SEC61A2: variants seen among roughly 807,000 people sequenced by gnomAD.
SEC61A2 encodes the protein protein transport protein Sec61 subunit alpha isoform 2.
In SEC61A2, 28 loss-of-function variants were observed where a neutral mutation model predicts 59.9. The ratio of observed to expected loss-of-function variants is 0.47; its 90% CI spans 0.35 to 0.64. The LOEUF (loss-of-function observed/expected upper bound fraction) is 0.64, where lower values mean the gene tolerates loss of function less well. Among genes scored for constraint, SEC61A2 ranks in the 30% least tolerant of loss-of-function variants. The pLI is 0.01. For synonymous variants in SEC61A2, 202 were observed against 214.4 expected, an observed-to-expected ratio of 0.94 and a Z score of 0.50; for missense variants, 340 against 585.9, an observed-to-expected ratio of 0.58 and a Z score of 4.33.
chr10:12,158,361 G>T lies in SEC61A2; in HGVS notation c.975+256G>T. 2.4e-6 allele frequency: 1 copy of T among 425,188 alleles called. No homozygotes were observed. Among genetic ancestry groups the T allele is most frequent in the Non-Finnish European group, 4.2e-6 (1 of 237,760 alleles). 26.3% of individuals were successfully genotyped at this position (425,188 alleles called of 1,614,324 possible). A position where few individuals can be genotyped will look rare whatever the true frequency, so the allele number is the denominator to read the frequency against. On this transcript the variant is annotated intron_variant, in intron 9 of 11. Coordinates refer to ENST00000298428, the MANE Select transcript of SEC61A2 (RefSeq NM_018144.4). This position sits in a 1 kb window ranked among gnomAD's most constrained non-coding sequence, Gnocchi z 5.7. Reference sequence around the variant, plus strand: ...TTGAATGACCTTTTAAGCTAAAATTGTGGTTGATTTCATAAAAGTAATTTC... The same window carrying T: ...TTGAATGACCTTTTAAGCTAAAATTTTGGTTGATTTCATAAAAGTAATTTC...
rs531812487 is a variant in SEC61A2 at position 12,152,653 on chromosome 10, G to A, written c.462+2692G>A. 1.3e-4 allele frequency among the ~76,000 whole-genome samples: 20 copies of A among 152,094 alleles called. No individual in the cohort carries two copies. The highest frequency in any genetic ancestry group is 2.9e-4 in the Non-Finnish European group (20 of 68,028). On this transcript the variant is annotated intron_variant, in intron 6 of 11. Transcript: ENST00000298428. This position sits in a 1 kb window ranked among gnomAD's most constrained non-coding sequence, Gnocchi z 5.5. The stretch of plus-strand genomic sequence containing the variant: ...CTCACACCTGTAATCCCAGCACTTT[G>A]GGAGGCTGAGGCGGGCGGATCACGA...
chr10:12,142,740 T>G lies in SEC61A2; in HGVS notation c.142-377T>G, dbSNP rs1834048989. Among the ~76,000 whole-genome samples the G allele has an allele frequency of 6.6e-6, 1 of 152,212 alleles. No homozygotes were observed. The highest frequency in any genetic ancestry group is 1.5e-5 in the Non-Finnish European group (1 of 68,030). On this transcript the variant is annotated intron_variant, in intron 3 of 11. Transcript: ENST00000298428. This position sits in a 1 kb window ranked among gnomAD's most constrained non-coding sequence, Gnocchi z 5.4. ...ATTTACTAGTGAATGCACCAAGTGA[T>G]GATTTGTTGTTTTTATTTTTATTTT...
At chr10:12,168,722 C>G (rs1319250800), downstream of SEC61A2, among the ~76,000 whole-genome samples, 1 of 152,120 alleles carries the variant, frequency 6.6e-6, no homozygotes, top group Non-Finnish European at 1.5e-5. This position sits in a 1 kb window ranked among gnomAD's most constrained non-coding sequence, Gnocchi z 4.8. Context: ...TGCTTGGTAA[C>G]TGGCAGATGC....
In SEC61A2 at chr10:12,129,848, G is replaced by A. The variant is rs2131638168; in HGVS notation, c.7+54G>A. Reference sequence around the variant, plus strand: ...CTGGCTGGGAACGCAGGCCCCGCCTGGGCTGCGGGCGGTGGGGCTGGCGCT... The same window carrying A: ...CTGGCTGGGAACGCAGGCCCCGCCTAGGCTGCGGGCGGTGGGGCTGGCGCT... On this transcript the variant is annotated intron_variant, in intron 1 of 11. Transcript: ENST00000298428. This position sits in a 1 kb window ranked among gnomAD's most constrained non-coding sequence, Gnocchi z 5.6. 1.1e-5 allele frequency: 15 copies of A among 1,325,610 alleles called. No individual in the cohort carries two copies. Among genetic ancestry groups the A allele is most frequent in the Middle Eastern group, 2.6e-4 (1 of 3,848 alleles). 82.1% of individuals were successfully genotyped at this position (1,325,610 alleles called of 1,614,324 possible). A position where few individuals can be genotyped will look rare whatever the true frequency, so the allele number is the denominator to read the frequency against.
chr10:12,137,946 C>T (rs1029645489), intron 3 of SEC61A2, among the ~76,000 whole-genome samples: 3 of 152,134 alleles, frequency 2.0e-5, no homozygotes, highest in Admixed American at 2.0e-4. Context: ...GTGGAGGTTG[C>T]AGTGAGCTGA....
downstream of SEC61A2, chr10:12,165,593 T>G (rs57287753): frequency 1.9e-3 from 295 of 155,206 alleles, 7 homozygotes; most frequent in East Asian, 0.054. Context: ...AGGAAAACAG[T>G]GGTCTCAAAA....
downstream of SEC61A2, chr10:12,167,700 G>A (rs1409903967): frequency 6.2e-6 from 10 of 1,613,820 alleles, no homozygotes; most frequent in Middle Eastern, 1.6e-4. Context: ...TCATATTTGG[G>A]CTTAAAATTT....
chr10:12,153,790 A>G lies in SEC61A2; in HGVS notation c.463-1988A>G, dbSNP rs910558931. ...TACACTGAAGAGCTATGATTGGATC[A>G]GTGTGTTTCACCCAGAAACATAGGT... is the stretch of plus-strand genomic sequence containing the variant. On this transcript the variant is annotated intron_variant, in intron 6 of 11. Transcript: ENST00000298428. This position sits in a 1 kb window ranked among gnomAD's most constrained non-coding sequence, Gnocchi z 5.2. 3 of 1,608,150 alleles carry G rather than the reference A, an allele frequency of 1.9e-6. No homozygotes were observed. In the African/African-American group the frequency reaches 4.0e-5, roughly 22 times the overall value.
At chr10:12,157,801 G>A (rs1166551944) in intron 8 of SEC61A2, 107 bp from the exon 9 acceptor site, 41 of 1,043,752 alleles carry the variant, frequency 3.9e-5, no homozygotes, top group East Asian at 3.0e-4. Flanking sequence ...GTGCCCGGCC[G>A]GCATTGTCTT....
downstream of SEC61A2, chr10:12,169,232 T>C: frequency 1.3e-6 from 2 of 1,489,694 alleles, no homozygotes. The surrounding 1 kb of genome is among the most constrained non-coding windows in gnomAD (Gnocchi z 4.8). Context: ...CCCTCACTTA[T>C]TCTATTTTTT....
At position 12,142,562 on chromosome 10, in the gene SEC61A2, G is replaced by A; in HGVS notation, c.142-555G>A. Reference sequence around the variant, plus strand: ...CTTTGCAAAATCATTCTACGACCAGGCAGGTATAATATTCCATAATCTACT... The same window carrying A: ...CTTTGCAAAATCATTCTACGACCAGACAGGTATAATATTCCATAATCTACT... On this transcript the variant is annotated intron_variant, in intron 3 of 11. Transcript: ENST00000298428. This position sits in a 1 kb window ranked among gnomAD's most constrained non-coding sequence, Gnocchi z 5.4. 1 of 967,854 alleles carries A rather than the reference G, an allele frequency of 1.0e-6. No homozygotes were observed. The highest frequency in any genetic ancestry group is 1.2e-6 in the Non-Finnish European group (1 of 813,958). 60.0% of individuals were successfully genotyped at this position (967,854 alleles called of 1,614,324 possible).
Position 12,133,240 on chromosome 10 carries a change from G to A in SEC61A2, c.8-1G>A. The A allele has an allele frequency of 6.8e-7, 1 of 1,460,442 alleles. No homozygotes were observed. The highest frequency in any genetic ancestry group is 1.2e-5 in the South Asian group (1 of 83,866). 90.5% of individuals were successfully genotyped at this position (1,460,442 alleles called of 1,614,324 possible). A position where few individuals can be genotyped will look rare whatever the true frequency, so the allele number is the denominator to read the frequency against. ...AACATTTATTATTTTTCTTTTTACA[G>A]TCAAATTTTTAGAAGTTATCAAACC... On this transcript the variant is annotated splice_acceptor_variant, in intron 1 of 11. Coordinates refer to ENST00000298428, the MANE Select transcript of SEC61A2 (RefSeq NM_018144.4). LOFTEE classifies it high-confidence loss of function.
At chr10:12,144,790 C>G (rs563595641) in intron 4 of SEC61A2, among the ~76,000 whole-genome samples, 14 of 152,268 alleles carry the variant, frequency 9.2e-5, no homozygotes, top group African/African-American at 3.4e-4. Context: ...GGGGCTCATG[C>G]CTGTGATCCC....
Position 12,162,196 on chromosome 10 carries a change from C to A in SEC61A2, c.1168-17C>A, listed in dbSNP as rs373450123. 1.5e-5 allele frequency: 24 copies of A among 1,610,138 alleles called. No individual in the cohort carries two copies. Among genetic ancestry groups the A allele is most frequent in the Non-Finnish European group, 1.7e-5 (20 of 1,177,212 alleles). ...AATGTTCCAGTTGGATTTTGAAAGT[C>A]GTTTTTCTCTCGGCAGGTAGCTAAA... On this transcript the variant is annotated splice_polypyrimidine_tract_variant and intron_variant, in intron 10 of 11. Coordinates refer to ENST00000298428, the MANE Select transcript of SEC61A2 (RefSeq NM_018144.4). The surrounding 1 kb of genome is among the most constrained non-coding windows in gnomAD (Gnocchi z 6.1).
intron 11 of SEC61A2, among the ~76,000 whole-genome samples, chr10:12,163,775 GCTGTT>G (rs1834592115): frequency 6.6e-6 from 1 of 152,090 alleles, no homozygotes; most frequent in Admixed American, 6.5e-5. Context: ...TCACCATCTT[GCTGTT>G]CTTGTTTCAC....
chr10:12,158,007 C>T lies in SEC61A2; in HGVS notation c.877C>T (p.Leu293Phe). 1 of 1,614,172 alleles carries T rather than the reference C, an allele frequency of 6.2e-7. No individual in the cohort carries two copies. Among genetic ancestry groups the T allele is most frequent in the Non-Finnish European group, 8.5e-7 (1 of 1,180,026 alleles). ...LFYTSNIPII[L>F]QSALVSNLYV... ...CTACACCTCCAACATCCCCATCATC[C>T]TCCAGTCGGCCCTGGTGTCCAACCT... Residue 293 changes from leucine to phenylalanine, a missense_variant, in exon 9 of 12, where the codon CTC becomes TTC. Leu to Phe is a conservative substitution (Grantham distance 22). Around this residue, in one of 3 missense-constraint regions of SEC61A2, gnomAD observed 283 missense variants for 483.2 expected, o/e 0.59. Coordinates refer to ENST00000298428, the MANE Select transcript of SEC61A2 (RefSeq NM_018144.4). This position sits in a 1 kb window ranked among gnomAD's most constrained non-coding sequence, Gnocchi z 5.7.
Position 12,142,356 on chromosome 10 carries a change from C to A in SEC61A2, c.142-761C>A. The A allele has an allele frequency of 4.3e-6, 1 of 230,886 alleles. No individual in the cohort carries two copies. Among genetic ancestry groups the A allele is most frequent in the Non-Finnish European group, 7.1e-6 (1 of 140,096 alleles). The allele number at this position is 230,886 out of a possible 1,614,324, so 14.3% of individuals were successfully genotyped here. On this transcript the variant is annotated intron_variant, in intron 3 of 11. Coordinates refer to ENST00000298428, the MANE Select transcript of SEC61A2 (RefSeq NM_018144.4). The surrounding 1 kb of genome is among the most constrained non-coding windows in gnomAD (Gnocchi z 5.4). The stretch of plus-strand genomic sequence containing the variant: ...TATTGCCAAATGTCTTGGGTGGGGG[C>A]TAAAATCACCCCTAGTTTAGAACTG...
At chr10:12,147,274 CT>C (rs1834161584) in intron 4 of SEC61A2, among the ~76,000 whole-genome samples, 1 of 152,194 alleles carries the variant, frequency 6.6e-6, no homozygotes, top group Non-Finnish European at 1.5e-5. Context: ...CCATCTTTTC[CT>C]TTGTGGCTTC....
In SEC61A2 at chr10:12,149,873, T is replaced by C. The variant is rs1385460499; in HGVS notation, c.374T>C (p.Ile125Thr). The change falls in exon 6 of 12, where the codon ATT becomes ACT. Residue 125 changes from isoleucine (I) to threonine (T), a missense_variant. Coordinates refer to ENST00000298428, the MANE Select transcript of SEC61A2 (RefSeq NM_018144.4). This position sits in a 1 kb window ranked among gnomAD's most constrained non-coding sequence, Gnocchi z 5.2. ...TCAGTGTTTGGTATGATCATTACCA[T>C]TGGGCAAGCCATTGTGTATGTCATG... ...AQKLFGMIIT[I>T]GQAIVYVMTG... 7 of 1,614,152 alleles carry C rather than the reference T, an allele frequency of 4.3e-6. No individual in the cohort carries two copies. Among genetic ancestry groups the C allele is most frequent in the East Asian group, 2.2e-5 (1 of 44,890 alleles).
Sources: gnomAD v4.1 joint callset for allele counts (sites outside exome capture counted in the v4.1 genomes callset) on GRCh38, gnomAD v4.1.1 for gene constraint, gnomAD v4.1.1 regional missense constraint, Gnocchi (gnomAD v3.1) non-coding constraint, MANE v1.5 for transcripts, NCBI Gene and HGNC (gene_info 2026-07-23, HGNC 2026-07-21) for gene names.